The following FOXK2 variants were observed in gnomAD, a reference collection of about 807,000 sequenced individuals.
The protein encoded by FOXK2 is forkhead box protein K2.
In FOXK2, 24 loss-of-function variants were observed where a neutral mutation model predicts 53.3. That is an observed-to-expected ratio of 0.45 (90% CI 0.33 to 0.63). FOXK2 has a LOEUF of 0.63. Among genes scored for constraint, FOXK2 ranks in the 30% least tolerant of loss-of-function variants. FOXK2 has a pLI of 0.03. For missense variants in FOXK2, 952 were observed against 910.5 expected (o/e 1.05, Z -0.59); for synonymous variants, 505 against 407.1 (o/e 1.24, Z -2.89).
chr17:82,604,360 C>T lies in FOXK2; in HGVS notation c.*2861C>T, dbSNP rs918118973. Reference sequence around the variant, plus strand: ...AGCTGATCTCCTTCAGTCGTCTACCCACTTCCGTCATTGTCCTCCGCTAGA... The same window carrying T: ...AGCTGATCTCCTTCAGTCGTCTACCTACTTCCGTCATTGTCCTCCGCTAGA... On this transcript the variant is annotated 3_prime_UTR_variant, in exon 9 of 9. Transcript: ENST00000335255. 1 of 152,516 alleles carries T rather than the reference C, an allele frequency of 6.6e-6. No homozygotes were observed. Among genetic ancestry groups the T allele is most frequent in the African/African-American group, 2.4e-5 (1 of 41,400 alleles). The allele number at this position is 152,516 out of a possible 1,614,324, so 9.4% of individuals were successfully genotyped here.
At position 82,528,928 on chromosome 17, in the gene FOXK2, C is replaced by G. The variant is rs535544649; in HGVS notation, c.419+8621C>G. On this transcript the variant is annotated intron_variant, in intron 1 of 8. Coordinates refer to ENST00000335255, the MANE Select transcript of FOXK2 (RefSeq NM_004514.4). ...GTCTGCCTCCTTCCCCTCCCTGGGA[C>G]GTATGACAGTGTCTGGAGGCACATT... Among the ~76,000 whole-genome samples, 3 of 152,310 alleles carry G rather than the reference C, an allele frequency of 2.0e-5. No individual in the cohort carries two copies. The South Asian group carries it at 6.2e-4, about 32-fold the overall frequency.
chr17:82,585,772 G>A (rs1372178391), intron 6 of FOXK2, 132 bp from the exon 7 acceptor site: 1 of 835,078 alleles, frequency 1.2e-6, no homozygotes, highest in Non-Finnish European at 1.9e-6. Context: ...CTTTACTATT[G>A]TGAGGTGAAA....
rs1365081167 is a variant in FOXK2 at position 82,585,942 on chromosome 17, C to T, written c.1318C>T (p.Gln440Ter). ...LSSQPVLITV[Q>*]RQLPQAIKPV... The stretch of plus-strand genomic sequence containing the variant: ...CAGTCAGCCAGTCTTAATCACCGTC[C>T]AGCGGCAGCTACCACAGGCCATCAA... Residue 440 changes from glutamine (Q) to a stop codon, truncating the protein, a stop_gained, in exon 7 of 9, where the codon CAG becomes TAG. Transcript: ENST00000335255. LOFTEE classifies it high-confidence loss of function. 2 of 1,612,656 alleles carry T rather than the reference C, an allele frequency of 1.2e-6. No individual in the cohort carries two copies. Among genetic ancestry groups the T allele is most frequent in the African/African-American group, 1.3e-5 (1 of 75,056 alleles).
intron 1 of FOXK2, among the ~76,000 whole-genome samples, chr17:82,557,629 G>A (rs898264039): frequency 2.6e-5 from 4 of 152,160 alleles, no homozygotes; most frequent in African/African-American, 9.7e-5. Context: ...ACAGGTGTGA[G>A]CCACTGTGTC....
intron 1 of FOXK2, among the ~76,000 whole-genome samples, chr17:82,550,797 G>T (rs1024778384): frequency 2.6e-5 from 4 of 152,140 alleles, no homozygotes. Flanking sequence ...GGGCCACGGC[G>T]CCGGCCCTGA....
chr17:82,587,012 T>C (rs1247059092), intron 7 of FOXK2, 51 bp from the exon 8 acceptor site: 3 of 1,568,950 alleles, frequency 1.9e-6, no homozygotes, highest in Admixed American at 3.3e-5. Context: ...TGGCAAGATT[T>C]TTATTTGCTT....
intron 8 of FOXK2, among the ~76,000 whole-genome samples, chr17:82,593,231 C>CTGTG (rs2045272400): frequency 6.6e-6 from 1 of 151,504 alleles, no homozygotes; most frequent in Non-Finnish European, 1.5e-5. Flanking sequence ...AAAGCAGACC[C>CTGTG]AGTGAAGGTC....
intron 1 of FOXK2, among the ~76,000 whole-genome samples, chr17:82,557,374 C>T (rs535447755): frequency 1.3e-5 from 2 of 151,474 alleles, no homozygotes; most frequent in South Asian, 2.1e-4. Flanking sequence ...GACAGAATCT[C>T]ACACTGTCAC....
chr17:82,602,611 A>C lies in FOXK2; in HGVS notation c.*1112A>C, dbSNP rs1381120882. 1 of 152,282 alleles carries C rather than the reference A, an allele frequency of 6.6e-6. No individual in the cohort carries two copies. The highest frequency in any genetic ancestry group is 1.5e-5 in the Non-Finnish European group (1 of 68,086). 9.4% of individuals were successfully genotyped at this position (152,282 alleles called of 1,614,324 possible). ...GAGCAGGGTCCGAGCCACGTCCTGC[A>C]GGGCACGTCTGGGGCATTTCCTGTT... On this transcript the variant is annotated 3_prime_UTR_variant, in exon 9 of 9. Coordinates refer to ENST00000335255, the MANE Select transcript of FOXK2 (RefSeq NM_004514.4).
intron 1 of FOXK2, among the ~76,000 whole-genome samples, chr17:82,531,758 C>T (rs2044473824): frequency 6.6e-6 from 1 of 152,218 alleles, no homozygotes; most frequent in Non-Finnish European, 1.5e-5. Flanking sequence ...CGGGGTGAGT[C>T]AGTGAGTAAA....
chr17:82,547,002 G>T (rs543778759), intron 1 of FOXK2, among the ~76,000 whole-genome samples: 1 of 151,480 alleles, frequency 6.6e-6, no homozygotes, highest in African/African-American at 2.4e-5. Flanking sequence ...ACTTGAACCC[G>T]GGAGGTGGAG....
intron 1 of FOXK2, among the ~76,000 whole-genome samples, chr17:82,533,439 G>A (rs1397809785): frequency 1.3e-5 from 2 of 151,890 alleles, no homozygotes; most frequent in Non-Finnish European, 2.9e-5. Flanking sequence ...GTAGTGAGCC[G>A]AGACCGTGCC....
Position 82,582,728 on chromosome 17 carries a change from T to C in FOXK2, c.910-13T>C. 1 of 1,546,946 alleles carries C rather than the reference T, an allele frequency of 6.5e-7. No homozygotes were observed. ...AAATATATGAATTCTACGTATTTTT[T>C]TATGTTTCATAGAATTCAATTCGCC... On this transcript the variant is annotated splice_polypyrimidine_tract_variant and intron_variant, in intron 4 of 8. Coordinates refer to ENST00000335255, the MANE Select transcript of FOXK2 (RefSeq NM_004514.4).
intron 8 of FOXK2, chr17:82,587,487 G>T (rs777345406): frequency 1.4e-5 from 8 of 585,634 alleles, no homozygotes; most frequent in Non-Finnish European, 2.4e-5. Flanking sequence ...GAAAAGAGAT[G>T]AGAGTTTCTA....
intron 8 of FOXK2, among the ~76,000 whole-genome samples, chr17:82,598,642 T>TG (rs1320552911): frequency 7.2e-5 from 11 of 152,284 alleles, no homozygotes; most frequent in Non-Finnish European, 1.6e-4. Flanking sequence ...ATCATGAGCC[T>TG]GTCCCTTGGT....
intron 3 of FOXK2, among the ~76,000 whole-genome samples, chr17:82,569,122 A>G (rs138372910): frequency 6.6e-6 from 1 of 152,368 alleles, no homozygotes; most frequent in Non-Finnish European, 1.5e-5. Context: ...ATTTGCTGAT[A>G]TGGAAATATT....
intron 1 of FOXK2, among the ~76,000 whole-genome samples, chr17:82,560,928 T>A (rs1380917961): frequency 6.6e-6 from 1 of 152,074 alleles, no homozygotes; most frequent in Non-Finnish European, 1.5e-5. Flanking sequence ...GCCACTGCTC[T>A]CCAGCCTGGG....
intron 1 of FOXK2, among the ~76,000 whole-genome samples, chr17:82,554,240 TG>T (rs1160283805): frequency 1.3e-5 from 2 of 152,180 alleles, no homozygotes; most frequent in Non-Finnish European, 2.9e-5. Context: ...TCCTTAAAGT[TG>T]GGGACTTATT....
Position 82,519,857 on chromosome 17 carries a change from G to A in FOXK2, c.-32G>A. The A allele has an allele frequency of 2.1e-6, 2 of 960,802 alleles. No individual in the cohort carries two copies. Among genetic ancestry groups the A allele is most frequent in the South Asian group, 4.8e-5 (1 of 20,842 alleles). 59.5% of individuals were successfully genotyped at this position (960,802 alleles called of 1,614,324 possible). A position where few individuals can be genotyped will look rare whatever the true frequency, so the allele number is the denominator to read the frequency against. ...CTCGGCCCGCGCCACCGGCGCCCGC[G>A]CGGAGCGGCCCGGGGGCCCTCACGC... On this transcript the variant is annotated 5_prime_UTR_variant, in exon 1 of 9. Transcript: ENST00000335255.
Sources: allele counts gnomAD v4.1 joint callset (sites outside exome capture counted in the v4.1 genomes callset), GRCh38; gene constraint gnomAD v4.1.1; transcripts MANE v1.5; gene names NCBI Gene and HGNC (gene_info 2026-07-23, HGNC 2026-07-21).